The following BAIAP2 variants were observed in gnomAD, a reference collection of about 807,000 sequenced individuals.
BAIAP2 encodes the protein BAR/IMD domain-containing adapter protein 2.
Under a neutral mutation model 63.0 loss-of-function variants are expected in BAIAP2, and 18 were observed. The observed-to-expected ratio is 0.29, with a 90% CI of 0.20 to 0.42. The LOEUF (loss-of-function observed/expected upper bound fraction) is 0.42. BAIAP2 is among the 10% of genes least tolerant of loss of function. BAIAP2 has a pLI of 1.00. For synonymous variants in BAIAP2, 386 were observed against 307.6 expected (o/e 1.25, Z -2.67); for missense variants, 610 against 734.3 (o/e 0.83, Z 1.96).
intron 6 of BAIAP2, among the ~76,000 whole-genome samples, chr17:81,095,944 C>A (rs1351374441): frequency 1.3e-5 from 2 of 152,124 alleles, no homozygotes; most frequent in African/African-American, 4.8e-5. Flanking sequence ...TGAGCATGAG[C>A]GTGAGAAAGT....
intron 7 of BAIAP2, among the ~76,000 whole-genome samples, chr17:81,103,004 G>A (rs1249355906): frequency 1.3e-5 from 2 of 152,230 alleles, no homozygotes; most frequent in Non-Finnish European, 1.5e-5. Flanking sequence ...CGCAGAGTAC[G>A]CCCGAGGGAG....
chr17:81,069,938 T>C (rs1404601991), intron 3 of BAIAP2, among the ~76,000 whole-genome samples: 1 of 152,002 alleles, frequency 6.6e-6, no homozygotes, highest in Non-Finnish European at 1.5e-5. Context: ...TTTTTTGTTT[T>C]CTTGGTTTTT....
intron 1 of BAIAP2, among the ~76,000 whole-genome samples, chr17:81,044,486 C>T (rs2047522274): frequency 6.6e-6 from 1 of 152,248 alleles, no homozygotes; most frequent in Non-Finnish European, 1.5e-5. Context: ...TTAGGGCCCG[C>T]CCTAGTGACC....
chr17:81,039,535 A>G (rs937861985), intron 1 of BAIAP2, among the ~76,000 whole-genome samples: 5 of 152,300 alleles, frequency 3.3e-5, no homozygotes, highest in African/African-American at 9.6e-5. Context: ...TGCTGTCCCC[A>G]CAGCCTTGCC....
At chr17:81,089,830 G>A (rs1206955407) in intron 6 of BAIAP2, among the ~76,000 whole-genome samples, 3 of 152,182 alleles carry the variant, frequency 2.0e-5, no homozygotes, top group Non-Finnish European at 2.9e-5. Context: ...GCAGGGCCCC[G>A]AAGCGCATGG....
In BAIAP2 at chr17:81,108,378, C is replaced by G. The variant is rs888641052; in HGVS notation, c.1501-97C>G. On this transcript the variant is annotated intron_variant, in intron 12 of 13. Transcript: ENST00000428708. ...AAAGGAACACGGTTTGAACCTTGTC[C>G]AGGCAGGATCACCATTTGTGGGTGT... The G allele has an allele frequency of 4.3e-6, 6 of 1,380,402 alleles. No individual in the cohort carries two copies. In the African/African-American group the frequency reaches 8.6e-5, roughly 20 times the overall value. The allele number at this position is 1,380,402 out of a possible 1,614,324, so 85.5% of individuals were successfully genotyped here.
At chr17:81,072,759 G>T (rs778633714) in intron 3 of BAIAP2, among the ~76,000 whole-genome samples, 1 of 151,944 alleles carries the variant, frequency 6.6e-6, no homozygotes, top group African/African-American at 2.4e-5. Flanking sequence ...TTCGCCCAGC[G>T]TCCTCTGCTT....
intron 3 of BAIAP2, among the ~76,000 whole-genome samples, chr17:81,062,423 C>T (rs1050849625): frequency 2.0e-5 from 3 of 151,646 alleles, no homozygotes; most frequent in Non-Finnish European, 2.9e-5. Context: ...ATAATGGTCT[C>T]GCGTCTTGGT....
At chr17:81,084,979 G>A (rs2055320036) in intron 4 of BAIAP2, 86 bp downstream of exon 4, 3 of 1,378,342 alleles carry the variant, frequency 2.2e-6, no homozygotes, top group Non-Finnish European at 1.0e-6. Context: ...TGTCCACTTG[G>A]GAACAGTCCC....
At chr17:81,049,026 A>C (rs1334257502) in intron 1 of BAIAP2, among the ~76,000 whole-genome samples, 1 of 152,212 alleles carries the variant, frequency 6.6e-6, no homozygotes, top group African/African-American at 2.4e-5. Context: ...GGGGTGGGAA[A>C]GGTGTTCCCT....
At chr17:81,106,625 A>G in intron 11 of BAIAP2, 120 bp from the exon 12 acceptor site, 2 of 1,214,696 alleles carry the variant, frequency 1.6e-6, no homozygotes, top group Non-Finnish European at 2.3e-6. Context: ...TTGGCCTGAG[A>G]GCAGCCTCCC....
intron 1 of BAIAP2, among the ~76,000 whole-genome samples, chr17:81,043,682 G>A (rs1001439089): frequency 1.3e-5 from 2 of 152,200 alleles, no homozygotes; most frequent in Non-Finnish European, 2.9e-5. Context: ...GCTCAGCCTC[G>A]TTACTGTTGC....
chr17:81,059,080 C>A (rs1236505440), intron 3 of BAIAP2, among the ~76,000 whole-genome samples: 1 of 152,232 alleles, frequency 6.6e-6, no homozygotes, highest in Non-Finnish European at 1.5e-5. Flanking sequence ...GGGAGGCAGA[C>A]CTGCCGGCCG....
intron 6 of BAIAP2, among the ~76,000 whole-genome samples, chr17:81,099,560 C>A (rs1368148011): frequency 1.3e-5 from 2 of 152,188 alleles, no homozygotes; most frequent in South Asian, 2.1e-4. Context: ...GCATCCACAC[C>A]CAGGCTTCTG....
chr17:81,038,235 T>C (rs117847492), intron 1 of BAIAP2, among the ~76,000 whole-genome samples: 373 of 152,366 alleles, frequency 2.4e-3, no homozygotes, highest in Non-Finnish European at 4.5e-3. Context: ...TGCAGCCCTC[T>C]TGGGGAAGCC....
intron 3 of BAIAP2, among the ~76,000 whole-genome samples, chr17:81,084,368 C>T (rs894293149): frequency 3.9e-5 from 6 of 152,282 alleles, no homozygotes; most frequent in African/African-American, 1.2e-4. Flanking sequence ...TTGTGACCAG[C>T]GTGTGCCCAT....
At chr17:81,048,156 G>A (rs4969363) in intron 1 of BAIAP2, among the ~76,000 whole-genome samples, 98,215 of 151,992 alleles carry the variant, frequency 0.65, 31,778 homozygotes, top group Non-Finnish European at 0.68. Flanking sequence ...AGGCTGAGGC[G>A]GGCGGATCGC....
At chr17:81,036,872 G>A in intron 1 of BAIAP2, 1 of 1,535,906 alleles carries the variant, frequency 6.5e-7, no homozygotes, top group Non-Finnish European at 8.7e-7. Context: ...GAGGGTGGAA[G>A]AGAAGTACCA....
intron 7 of BAIAP2, among the ~76,000 whole-genome samples, chr17:81,102,867 C>T (rs1017798761): frequency 6.6e-6 from 1 of 152,230 alleles, no homozygotes; most frequent in African/African-American, 2.4e-5. Context: ...CCAGGAGGGG[C>T]AGGGGTTACT....
Sources: allele counts gnomAD v4.1 joint callset (sites outside exome capture counted in the v4.1 genomes callset), GRCh38; gene constraint gnomAD v4.1.1; transcripts MANE v1.5; gene names NCBI Gene and HGNC (gene_info 2026-07-23, HGNC 2026-07-21).